The following RSPH14 variants were observed in gnomAD, a reference collection of about 807,000 sequenced individuals.
The protein encoded by RSPH14 is radial spoke head 14 homolog.
RSPH14 carries 20 observed loss-of-function variants against 26.7 expected under a neutral mutation model. The observed-to-expected ratio is 0.75, with a 90% CI of 0.53 to 1.09. The LOEUF (loss-of-function observed/expected upper bound fraction) is 1.09, where lower values mean the gene tolerates loss of function less well. Ranked by LOEUF, RSPH14 falls within the 50% of genes least tolerant of loss-of-function variation. The pLI is 0.00. For synonymous variants in RSPH14, 177 were observed against 189.3 expected, an observed-to-expected ratio of 0.93 and a Z score of 0.53; for missense variants, 449 against 457.2, an observed-to-expected ratio of 0.98 and a Z score of 0.16.
the RSPH14 span, among the ~76,000 whole-genome samples, chr22:23,176,967 T>C: frequency 1.3e-5 from 2 of 152,256 alleles, no homozygotes; most frequent in African/African-American, 4.8e-5. Flanking sequence ...GGCTGCCACA[T>C]TGTGCAGCAC....
At chr22:23,173,634 TTG>T in the RSPH14 span, among the ~76,000 whole-genome samples, 343 of 128,076 alleles carry the variant, frequency 2.7e-3, 10 homozygotes, top group African/African-American at 7.4e-3. Flanking sequence ...TTTTTGTTTT[TTG>T]TTTTTTTTTT....
intron 4 of RSPH14, among the ~76,000 whole-genome samples, chr22:23,113,213 A>G (rs747583195): frequency 2.0e-5 from 3 of 152,190 alleles, no homozygotes; most frequent in Non-Finnish European, 4.4e-5. Flanking sequence ...CTGCATCTTT[A>G]CAACAGCTGG....
rs548466232 is a variant in RSPH14, at chr22:23,109,440, G to A, written c.421+24586C>T. 1.3e-5 allele frequency among the ~76,000 whole-genome samples: 2 copies of A among 152,322 alleles called. 1 individual carries two copies. The highest frequency in any genetic ancestry group is 4.1e-4 in the South Asian group (2 of 4,828). On this transcript the variant is annotated intron_variant, in intron 4 of 6. Transcript: ENST00000216036. The stretch of plus-strand genomic sequence containing the variant: ...TTTGGGAGTCCTGAATCTGAAGTGA[G>A]CCTGGGAGAAAGGGAGTCAGACAGG...
At chr22:23,121,738 T>C (rs1349489092) in intron 4 of RSPH14, among the ~76,000 whole-genome samples, 1 of 119,818 alleles carries the variant, frequency 8.3e-6, no homozygotes, top group East Asian at 2.3e-4. Flanking sequence ...TTTTTTTTTT[T>C]TGAGACAGAG....
chr22:23,108,226 T>G (rs1391942257), intron 4 of RSPH14, among the ~76,000 whole-genome samples: 2 of 152,222 alleles, frequency 1.3e-5, no homozygotes, highest in East Asian at 3.8e-4. Flanking sequence ...TTGCCTGCCA[T>G]CCACCCCGTG....
intron 4 of RSPH14, chr22:23,124,166 A>C (rs1212922959): frequency 4.4e-6 from 1 of 228,428 alleles, no homozygotes; most frequent in East Asian, 1.3e-4. Context: ...TTTATAAATC[A>C]AAACCTGGTT....
intron 4 of RSPH14, among the ~76,000 whole-genome samples, chr22:23,130,084 GAAGAAAGA>G (rs1221656067): frequency 0.12 from 6,385 of 51,262 alleles, 228 homozygotes; most frequent in Middle Eastern, 0.15. Flanking sequence ...AGAAAGAAAG[GAAGAAAGA>G]AAGAAAGAAA....
upstream of RSPH14, among the ~76,000 whole-genome samples, chr22:23,147,100 G>A (rs2070821901): frequency 6.6e-6 from 1 of 152,066 alleles, no homozygotes; most frequent in Non-Finnish European, 1.5e-5. Flanking sequence ...TCTCATCATC[G>A]TTGTTGTTAT....
the RSPH14 span, among the ~76,000 whole-genome samples, chr22:23,178,308 T>C: frequency 6.6e-6 from 1 of 151,176 alleles, no homozygotes. Context: ...TCCAGCTACT[T>C]GGGAGGCTGA....
intron 4 of RSPH14, among the ~76,000 whole-genome samples, chr22:23,081,529 G>A (rs374845859): frequency 2.0e-5 from 3 of 151,988 alleles, no homozygotes; most frequent in Admixed American, 6.5e-5. Context: ...TCAGGTTATA[G>A]GCCAATATGT....
chr22:23,158,459 G>C, the RSPH14 span, among the ~76,000 whole-genome samples: 137 of 152,326 alleles, frequency 9.0e-4, no homozygotes, highest in Non-Finnish European at 1.3e-3. Context: ...GAGAGAATTG[G>C]CAATGTGACC....
intron 4 of RSPH14, among the ~76,000 whole-genome samples, chr22:23,120,272 C>T (rs2069977096): frequency 6.6e-6 from 1 of 152,124 alleles, no homozygotes; most frequent in African/African-American, 2.4e-5. Flanking sequence ...TGCATTGGGA[C>T]AGCTTGACTC....
Position 23,138,904 on chromosome 22 carries a change from T to C in RSPH14, c.238A>G (p.Asn80Asp), listed in dbSNP as rs1374698856. Residue 80 changes from asparagine to aspartate, a missense_variant, in exon 3 of 7, where the codon AAC becomes GAC. Transcript: ENST00000216036. ...GTGGTCTTTATGCGCACCATACTGT[T>C]GCTATCCTTCAGCAAAGCTTTCAGG... ...ENLKALLKDSNSMVRIKTTEV... is the reference protein window; with the variant it reads ...ENLKALLKDSDSMVRIKTTEV... The C allele has an allele frequency of 6.5e-7, 1 of 1,550,048 alleles. No individual in the cohort carries two copies. The highest frequency in any genetic ancestry group is 1.4e-5 in the African/African-American group (1 of 72,746).
intron 4 of RSPH14, among the ~76,000 whole-genome samples, chr22:23,072,790 C>T (rs555849303): frequency 1.3e-5 from 2 of 152,334 alleles, no homozygotes; most frequent in African/African-American, 4.8e-5. Flanking sequence ...CCCAGCCTCT[C>T]AGTCCTTTTG....
chr22:23,149,324 G>C (rs1451962654), upstream of RSPH14, among the ~76,000 whole-genome samples: 2 of 152,154 alleles, frequency 1.3e-5, no homozygotes, highest in Non-Finnish European at 2.9e-5. Context: ...AAAAAATAAT[G>C]GTCATCTTTA....
At chr22:23,086,388 G>A (rs976569169) in intron 4 of RSPH14, among the ~76,000 whole-genome samples, 3 of 152,250 alleles carry the variant, frequency 2.0e-5, no homozygotes, top group Non-Finnish European at 4.4e-5. Context: ...GATGACGTGT[G>A]TGAGCAAAGC....
rs117884095 is a variant in RSPH14 at position 23,083,891 on chromosome 22, A to G, written c.422-19758T>C. On this transcript the variant is annotated intron_variant, in intron 4 of 6. Transcript: ENST00000216036. ...CAGGGATCCTGATGCTGCAGTAGTC[A>G]GGGGTCCTCATCAGAGAAGGAGGTT... is the stretch of plus-strand genomic sequence containing the variant. Among the ~76,000 whole-genome samples the G allele has an allele frequency of 4.9e-3, 741 of 152,326 alleles. 17 individuals are homozygous for G. Among genetic ancestry groups the G allele is most frequent in the Admixed American group, 0.03 (452 of 15,304 alleles).
At chr22:23,175,742 T>C in the RSPH14 span, among the ~76,000 whole-genome samples, 4 of 152,256 alleles carry the variant, frequency 2.6e-5, no homozygotes, top group African/African-American at 9.6e-5. Context: ...AGAAGGCTCC[T>C]GGGGTAGCGC....
chr22:23,141,814 C>G (rs1487916669), intron 1 of RSPH14, 135 bp downstream of exon 1: 2 of 230,276 alleles, frequency 8.7e-6, no homozygotes, highest in African/African-American at 4.7e-5. Context: ...TTCTAAGCGG[C>G]GTGGGCTGGG....
Sources: gnomAD v4.1 joint callset for allele counts (sites outside exome capture counted in the v4.1 genomes callset) on GRCh38, gnomAD v4.1.1 for gene constraint, MANE v1.5 for transcripts, NCBI Gene and HGNC (gene_info 2026-07-23, HGNC 2026-07-21) for gene names.